Variants in SHISA9 observed in about 807,000 individuals in gnomAD.
The protein encoded by SHISA9 is shisa family member 9.
SHISA9 carries 13 observed loss-of-function variants against 38.0 expected under a neutral mutation model. That is an observed-to-expected ratio of 0.34 (90% CI 0.22 to 0.54). SHISA9 has a LOEUF of 0.54. SHISA9 is among the 20% of genes least tolerant of loss of function. SHISA9 has a pLI of 0.91. For missense variants in SHISA9, 538 were observed against 575.8 expected, an observed-to-expected ratio of 0.93 and a Z score of 0.67; for synonymous variants, 275 against 242.0, an observed-to-expected ratio of 1.14 and a Z score of -1.27.
chr16:13,144,068 A>G (rs2050425804), intron 2 of SHISA9, among the ~76,000 whole-genome samples: 1 of 151,720 alleles, frequency 6.6e-6, no homozygotes, highest in Admixed American at 6.6e-5. Context: ...TTTCTCATTG[A>G]AGGTATGGAT....
the SHISA9 span, among the ~76,000 whole-genome samples, chr16:13,392,661 G>A: frequency 2.2e-4 from 34 of 152,298 alleles, no homozygotes; most frequent in Non-Finnish European, 2.8e-4. Flanking sequence ...CACCCACTGC[G>A]TTAAGAGGTT....
At chr16:13,554,691 C>T in the SHISA9 span, among the ~76,000 whole-genome samples, 518 of 152,166 alleles carry the variant, frequency 3.4e-3, 3 homozygotes, top group Non-Finnish European at 5.6e-3. Flanking sequence ...GTGGTTTCAC[C>T]ATGTTGGTCA....
chr16:13,059,927 C>T (rs552094118), intron 2 of SHISA9, among the ~76,000 whole-genome samples: 7 of 152,118 alleles, frequency 4.6e-5, no homozygotes, highest in Admixed American at 1.3e-4. Context: ...TTAGACTTTC[C>T]GACTCCAGAA....
intron 2 of SHISA9, among the ~76,000 whole-genome samples, chr16:13,145,339 A>G (rs1428864621): frequency 1.3e-5 from 2 of 152,222 alleles, no homozygotes; most frequent in African/African-American, 2.4e-5. Flanking sequence ...AGCCTGGTCA[A>G]CATGGCAAAA....
intron 1 of SHISA9, among the ~76,000 whole-genome samples, chr16:12,912,945 C>A (rs562859127): frequency 1.2e-4 from 19 of 152,188 alleles, no homozygotes; most frequent in African/African-American, 4.3e-4. Flanking sequence ...AATGCTCTTC[C>A]CATCATCTTC....
At position 13,080,638 on chromosome 16, in the gene SHISA9, A is replaced by G. The variant is rs149752724; in HGVS notation, c.692-122756A>G. Among the ~76,000 whole-genome samples, 1,072 of 152,248 alleles carry G rather than the reference A, an allele frequency of 7.0e-3. 9 individuals carry two copies. Among genetic ancestry groups the G allele is most frequent in the Admixed American group, 0.013 (197 of 15,292 alleles). ...GAGATGGTGTGTTTGTAGGTGTGGG[A>G]ACTCCTTTTCTTTAGTTATCATTTA... On this transcript the variant is annotated intron_variant, in intron 2 of 4. Coordinates refer to ENST00000558583, the MANE Select transcript of SHISA9 (RefSeq NM_001145204.3).
chr16:13,035,958 C>A (rs1025623464), intron 2 of SHISA9, among the ~76,000 whole-genome samples: 1 of 152,080 alleles, frequency 6.6e-6, no homozygotes, highest in Non-Finnish European at 1.5e-5. Flanking sequence ...CAATAAGATA[C>A]CACCCATTAG....
At chr16:13,390,698 A>G in the SHISA9 span, among the ~76,000 whole-genome samples, 124 of 152,274 alleles carry the variant, frequency 8.1e-4, 1 homozygote, top group Non-Finnish European at 1.3e-3. Context: ...GTCATTCACT[A>G]TTATGATTCC....
the SHISA9 span, among the ~76,000 whole-genome samples, chr16:13,405,361 C>T: frequency 8.5e-5 from 13 of 152,202 alleles, no homozygotes; most frequent in African/African-American, 3.1e-4. Context: ...CCAAAGCATT[C>T]TGTGCAGTGT....
the SHISA9 span, among the ~76,000 whole-genome samples, chr16:13,463,791 T>A: frequency 6.6e-6 from 1 of 152,202 alleles, no homozygotes; most frequent in Non-Finnish European, 1.5e-5. Flanking sequence ...GATTCCCGTG[T>A]CACATCCCTT....
the SHISA9 span, among the ~76,000 whole-genome samples, chr16:13,497,828 G>C: frequency 6.6e-6 from 1 of 151,872 alleles, no homozygotes; most frequent in East Asian, 1.9e-4. Flanking sequence ...TGAAAGAAAA[G>C]ATAAATGGTG....
chr16:13,055,505 T>C (rs189530986), intron 2 of SHISA9, among the ~76,000 whole-genome samples: 1 of 152,326 alleles, frequency 6.6e-6, no homozygotes, highest in Admixed American at 6.5e-5. Context: ...CTCTGTTTCC[T>C]TACAGTCTTC....
chr16:13,226,554 G>C (rs1192164803), intron 4 of SHISA9, among the ~76,000 whole-genome samples: 1 of 152,198 alleles, frequency 6.6e-6, no homozygotes, highest in Non-Finnish European at 1.5e-5. Context: ...TTTTGCAAAT[G>C]CTGTCATGTA....
At chr16:13,081,026 C>T (rs1290635161) in intron 2 of SHISA9, among the ~76,000 whole-genome samples, 1 of 152,174 alleles carries the variant, frequency 6.6e-6, no homozygotes, top group African/African-American at 2.4e-5. Flanking sequence ...CTAATTACCT[C>T]CCCAAAGCAC....
the SHISA9 span, among the ~76,000 whole-genome samples, chr16:13,542,813 C>T: frequency 4.6e-5 from 7 of 152,158 alleles, no homozygotes; most frequent in African/African-American, 1.4e-4. Context: ...ATTCCACCAT[C>T]AGGGATGGAG....
At chr16:13,161,986 A>G (rs1233283255) in intron 2 of SHISA9, among the ~76,000 whole-genome samples, 1 of 152,188 alleles carries the variant, frequency 6.6e-6, no homozygotes, top group Non-Finnish European at 1.5e-5. Context: ...GGCTGTTAAT[A>G]TTATGAATTA....
chr16:13,203,479 G>C lies in SHISA9; in HGVS notation c.777G>C (p.Gln259His), dbSNP rs1463248667. The C allele has an allele frequency of 2.6e-6, 4 of 1,551,270 alleles. No homozygotes were observed. The change falls in exon 3 of 5, where the codon CAG (glutamine) becomes CAC (histidine). Residue 259 changes from glutamine (Q) to histidine (H), a missense_variant. This residue lies in a region of SHISA9 where 326 missense variants were observed against 305.9 expected (regional missense o/e 1.07). Transcript: ENST00000558583. The stretch of plus-strand genomic sequence containing the variant: ...CACATTCGTACCCGAACCTGGGCCA[G>C]ATCTCCAACCCCTATGAACAGCAGC... ...GHPHSYPNLG[Q>H]ISNPYEQQPP... is the part of the protein sequence containing the mutation.
the SHISA9 span, among the ~76,000 whole-genome samples, chr16:13,513,112 G>T: frequency 6.6e-6 from 1 of 152,192 alleles, no homozygotes; most frequent in Non-Finnish European, 1.5e-5. Context: ...ATACCCATCT[G>T]ACAAAGATCT....
At chr16:13,536,240 G>A in the SHISA9 span, among the ~76,000 whole-genome samples, 5 of 152,166 alleles carry the variant, frequency 3.3e-5, no homozygotes, top group South Asian at 2.1e-4. Flanking sequence ...CTCGTGATCC[G>A]TCCGTGTCGG....
Sources: gnomAD v4.1 joint callset for allele counts (sites outside exome capture counted in the v4.1 genomes callset) on GRCh38, gnomAD v4.1.1 for gene constraint, gnomAD v4.1.1 regional missense constraint, MANE v1.5 for transcripts, NCBI Gene and HGNC (gene_info 2026-07-23, HGNC 2026-07-21) for gene names.